Variants in BNC2 observed in about 807,000 individuals in gnomAD.
The protein encoded by BNC2 is basonuclin zinc finger protein 2.
A neutral mutation model predicts 76.3 loss-of-function variants in BNC2; 20 were observed. That is an observed-to-expected ratio of 0.26 (90% CI 0.18 to 0.38). BNC2 has a LOEUF of 0.38. Ranked by LOEUF, BNC2 falls within the 10% of genes least tolerant of loss-of-function variation. The pLI is 1.00. For synonymous variants in BNC2, 582 were observed against 514.8 expected (o/e 1.13, Z -1.77); for missense variants, 1,382 against 1,399.8 (o/e 0.99, Z 0.20).
chr9:16,811,167 G>A (rs1242631118), intron 1 of BNC2, among the ~76,000 whole-genome samples: 1 of 147,516 alleles, frequency 6.8e-6, no homozygotes, highest in Non-Finnish European at 1.5e-5. Context: ...AGCTTGCAGT[G>A]AGCCAAGATC....
intron 5 of BNC2, among the ~76,000 whole-genome samples, chr9:16,438,835 C>T (rs761143819): frequency 1.5e-4 from 23 of 151,968 alleles, no homozygotes; most frequent in African/African-American, 4.8e-4. Context: ...CATCATGTTC[C>T]GCTTGTTAGG....
At chr9:16,793,462 T>G (rs1156661040) in intron 1 of BNC2, among the ~76,000 whole-genome samples, 1 of 152,004 alleles carries the variant, frequency 6.6e-6, no homozygotes, top group East Asian at 1.9e-4. Flanking sequence ...TTGGGAAGGA[T>G]CAATTCTAGT....
At chr9:16,733,248 C>A (rs1226742228) in intron 2 of BNC2, among the ~76,000 whole-genome samples, 1 of 152,142 alleles carries the variant, frequency 6.6e-6, no homozygotes, top group Non-Finnish European at 1.5e-5. Flanking sequence ...AAGGAAACCT[C>A]TTCTGAAAAG....
chr9:16,667,500 A>T (rs1822335283), intron 3 of BNC2, among the ~76,000 whole-genome samples: 1 of 152,216 alleles, frequency 6.6e-6, no homozygotes, highest in African/African-American at 2.4e-5. Flanking sequence ...TGAGGTGGTC[A>T]TCCTTAACAG....
intron 6 of BNC2, among the ~76,000 whole-genome samples, chr9:16,427,969 GT>G (rs886583496): frequency 1.3e-5 from 2 of 151,952 alleles, no homozygotes; most frequent in Non-Finnish European, 2.9e-5. Context: ...AAATACATAA[GT>G]TTTTTTTAAT....
intron 4 of BNC2, among the ~76,000 whole-genome samples, chr9:16,576,968 C>T (rs552504357): frequency 1.0e-3 from 159 of 152,272 alleles, no homozygotes; most frequent in African/African-American, 3.6e-3. Flanking sequence ...AATCTCCTGA[C>T]CTCCTGATCC....
At chr9:16,445,265 G>A (rs1821208281) in intron 5 of BNC2, among the ~76,000 whole-genome samples, 1 of 152,174 alleles carries the variant, frequency 6.6e-6, no homozygotes, top group East Asian at 1.9e-4. Flanking sequence ...GACGGAGGAA[G>A]ATGCACCGCT....
chr9:16,541,352 A>T (rs1045550493), intron 5 of BNC2, among the ~76,000 whole-genome samples: 1 of 152,174 alleles, frequency 6.6e-6, no homozygotes, highest in Non-Finnish European at 1.5e-5. Context: ...ATGAATTGGA[A>T]CCCTGATTCA....
chr9:16,646,904 A>G (rs903937100), intron 3 of BNC2, among the ~76,000 whole-genome samples: 8 of 152,188 alleles, frequency 5.3e-5, no homozygotes, highest in Non-Finnish European at 1.0e-4. Context: ...AGTCCCCCGC[A>G]TAAGTTACAT....
At chr9:16,577,849 C>T (rs1042333796) in intron 4 of BNC2, among the ~76,000 whole-genome samples, 2 of 151,828 alleles carry the variant, frequency 1.3e-5, no homozygotes, top group Non-Finnish European at 2.9e-5. Context: ...AATGAAGATT[C>T]TAGTATTCAT....
At chr9:16,546,101 T>G (rs10756761) in intron 5 of BNC2, among the ~76,000 whole-genome samples, 71,538 of 152,026 alleles carry the variant, frequency 0.47, 17,111 homozygotes, top group South Asian at 0.54. Context: ...GTTTAGCAAC[T>G]GATATTTCTC....
At chr9:16,692,984 G>A (rs940989832) in intron 3 of BNC2, among the ~76,000 whole-genome samples, 53 of 146,310 alleles carry the variant, frequency 3.6e-4, no homozygotes, top group African/African-American at 1.2e-3. Flanking sequence ...ACAAAAATTA[G>A]CTGGGCATGG....
intron 1 of BNC2, among the ~76,000 whole-genome samples, chr9:16,815,085 C>T (rs1215044939): frequency 1.3e-5 from 2 of 152,100 alleles, no homozygotes; most frequent in Non-Finnish European, 2.9e-5. Flanking sequence ...AAGACTTACA[C>T]TCGTTTGACC....
Position 16,845,676 on chromosome 9 carries a change from G to C in BNC2, c.3+24970C>G, listed in dbSNP as rs187521806. Among the ~76,000 whole-genome samples the C allele has an allele frequency of 3.2e-4, 48 of 152,062 alleles. 1 individual carries two copies. The highest frequency in any genetic ancestry group is 1.3e-3 in the Admixed American group (20 of 15,278). ...GCGGAGCTTGCAGTGAGCCGAGATC[G>C]CACCTCTGCACTCCAGCCTGGGCGA... On this transcript the variant is annotated intron_variant, in intron 1 of 6. Coordinates refer to ENST00000380672, the MANE Select transcript of BNC2 (RefSeq NM_017637.6).
chr9:16,849,352 ATTT>A (rs35561834), intron 1 of BNC2, among the ~76,000 whole-genome samples: 5 of 90,100 alleles, frequency 5.5e-5, no homozygotes, highest in African/African-American at 1.4e-4. Context: ...CATGCAAAAG[ATTT>A]TTTTTTTTTT....
At chr9:16,590,832 A>T (rs1819910020) in intron 3 of BNC2, among the ~76,000 whole-genome samples, 1 of 152,144 alleles carries the variant, frequency 6.6e-6, no homozygotes, top group Non-Finnish European at 1.5e-5. Flanking sequence ...AAAGACGTCT[A>T]TCCTAGTGGA....
At chr9:16,791,662 T>C (rs1586887222) in intron 1 of BNC2, among the ~76,000 whole-genome samples, 1 of 152,138 alleles carries the variant, frequency 6.6e-6, no homozygotes, top group East Asian at 1.9e-4. Context: ...GAAATCTAGA[T>C]TATAATTCGA....
At chr9:16,810,812 C>A (rs778853384) in intron 1 of BNC2, among the ~76,000 whole-genome samples, 1 of 152,214 alleles carries the variant, frequency 6.6e-6, no homozygotes, top group Non-Finnish European at 1.5e-5. Flanking sequence ...CAAGGTGTTG[C>A]TAGACCCTCC....
At chr9:16,710,113 G>A (rs904034858) in intron 3 of BNC2, among the ~76,000 whole-genome samples, 3 of 115,506 alleles carry the variant, frequency 2.6e-5, no homozygotes, top group African/African-American at 2.6e-5. Flanking sequence ...GATGGGCAAC[G>A]TTCAACATTT....
Sources: gnomAD v4.1 joint callset for allele counts (sites outside exome capture counted in the v4.1 genomes callset) on GRCh38, gnomAD v4.1.1 for gene constraint, MANE v1.5 for transcripts, NCBI Gene and HGNC (gene_info 2026-07-23, HGNC 2026-07-21) for gene names.